Variants in NDE1 observed in about 807,000 individuals in gnomAD.
The protein encoded by NDE1 is nuclear distribution protein nudE homolog 1.
A neutral mutation model predicts 43.4 loss-of-function variants in NDE1; 28 were observed. The ratio of observed to expected loss-of-function variants is 0.65; its 90% CI spans 0.48 to 0.89. The LOEUF (loss-of-function observed/expected upper bound fraction) is 0.89, where lower values mean the gene tolerates loss of function less well. Ranked by LOEUF, NDE1 falls within the 40% of genes least tolerant of loss-of-function variation. NDE1 has a pLI of 0.00. For synonymous variants in NDE1, 184 were observed against 172.0 expected, an observed-to-expected ratio of 1.07 and a Z score of -0.55; for missense variants, 441 against 434.1, an observed-to-expected ratio of 1.02 and a Z score of -0.14.
Position 15,694,185 on chromosome 16 carries a change from G to C in NDE1, c.724G>C (p.Gly242Arg). 6.2e-7 allele frequency: 1 copy of C among 1,612,988 alleles called. No homozygotes were observed. The highest frequency in any genetic ancestry group is 8.5e-7 in the Non-Finnish European group (1 of 1,180,026). The change falls in exon 7 of 9, where the codon GGG becomes CGG. Residue 242 changes from glycine to arginine, a missense_variant. Physicochemically the swap from Gly to Arg is moderately radical, Grantham distance 125 (BLOSUM62 -2). Transcript: ENST00000396354. Reference protein sequence around the residue: ...FRRGLDDSTGGTPLTPAARIS... With the variant: ...FRRGLDDSTGRTPLTPAARIS... ...CCCAGGCCTGGACGACTCCACCGGG[G>C]GGACCCCCCTCACACCTGCGGCCCG...
At chr16:15,710,171 C>G (rs1280102377) in intron 8 of NDE1, among the ~76,000 whole-genome samples, 2 of 152,146 alleles carry the variant, frequency 1.3e-5, no homozygotes, top group African/African-American at 2.4e-5. Context: ...CTTGGCTGCC[C>G]AAGAAGGCTC....
intron 8 of NDE1, among the ~76,000 whole-genome samples, chr16:15,705,554 CCT>C (rs2039403602): frequency 6.6e-6 from 1 of 152,092 alleles, no homozygotes; most frequent in African/African-American, 2.4e-5. Context: ...GCCATCTGGC[CCT>C]GTTTGACCTG....
chr16:15,655,675 C>T (rs2036725825), intron 1 of NDE1, among the ~76,000 whole-genome samples: 1 of 152,066 alleles, frequency 6.6e-6, no homozygotes, highest in Admixed American at 6.6e-5. Flanking sequence ...AAGACACATG[C>T]ACACGTATGT....
chr16:15,721,546 G>A (rs1212314228), intron 8 of NDE1: 1 of 1,614,070 alleles, frequency 6.2e-7, no homozygotes, highest in African/African-American at 1.3e-5. Flanking sequence ...CAGGGACAGG[G>A]CCTTGGTTTC....
chr16:15,665,944 C>T (rs532501470), intron 2 of NDE1, among the ~76,000 whole-genome samples: 12 of 152,076 alleles, frequency 7.9e-5, no homozygotes, highest in Admixed American at 3.3e-4. Context: ...TTAGTAGAGA[C>T]GGGGTTTCTC....
Position 15,708,784 on chromosome 16 carries a change from G to A in NDE1, c.947+11924G>A, listed in dbSNP as rs373484327. Reference sequence around the variant, plus strand: ...GGATACTGAGACAACACACAGCTGCGAAGCTGAAGGCATGATACCTGGTGC... The same window carrying A: ...GGATACTGAGACAACACACAGCTGCAAAGCTGAAGGCATGATACCTGGTGC... On this transcript the variant is annotated intron_variant, in intron 8 of 8. Transcript: ENST00000396354. 253 of 1,602,784 alleles carry A rather than the reference G, an allele frequency of 1.6e-4. 1 individual carries two copies. The highest frequency in any genetic ancestry group is 2.0e-4 in the Non-Finnish European group (230 of 1,175,110).
rs527267541 is a variant in NDE1, at chr16:15,695,480, A to G, written c.795+1224A>G. 9 of 968,300 alleles carry G rather than the reference A, an allele frequency of 9.3e-6. No homozygotes were observed. In the Admixed American group the frequency reaches 5.0e-4, roughly 54 times the overall value. 60.0% of individuals were successfully genotyped at this position (968,300 alleles called of 1,614,324 possible). On this transcript the variant is annotated intron_variant, in intron 7 of 8. Transcript: ENST00000396354. ...CTGAGATCGCACCGCTGGGTGACAA[A>G]GTGAGACTTGGTCTCAAAAAAAAAA...
At chr16:15,699,642 G>GTTC (rs752944493) in intron 8 of NDE1, 2 of 1,281,702 alleles carry the variant, frequency 1.6e-6, no homozygotes, top group South Asian at 2.5e-5. Flanking sequence ...GACTCTTGAT[G>GTTC]TTCACCCTTA....
At chr16:15,665,299 A>G (rs753009831) in intron 2 of NDE1, among the ~76,000 whole-genome samples, 18 of 152,120 alleles carry the variant, frequency 1.2e-4, no homozygotes, top group Non-Finnish European at 2.6e-4. Flanking sequence ...ACCCCATTAT[A>G]TAGATGAAGA....
chr16:15,705,208 C>T (rs1398364378), intron 8 of NDE1, among the ~76,000 whole-genome samples: 1 of 152,200 alleles, frequency 6.6e-6, no homozygotes, highest in Non-Finnish European at 1.5e-5. Flanking sequence ...TCTTGAACTC[C>T]TGGCCTCAAA....
chr16:15,652,061 C>T (rs1596538590), intron 1 of NDE1: 1 of 151,940 alleles, frequency 6.6e-6, no homozygotes, highest in Non-Finnish European at 1.5e-5. Context: ...GTGCGTGCCA[C>T]CATGCCCGGC....
chr16:15,698,940 A>G (rs1466550312), intron 8 of NDE1, among the ~76,000 whole-genome samples: 1 of 151,372 alleles, frequency 6.6e-6, no homozygotes, highest in Non-Finnish European at 1.5e-5. Flanking sequence ...GCTGGAGTGC[A>G]GTGGTGCGAC....
chr16:15,717,145 C>T lies in NDE1; in HGVS notation c.948-7046C>T, dbSNP rs145252402. Reference sequence around the variant, plus strand: ...GGAACTCCACACCCGCATACCTGGCCTCCTGCTCGACCTGCTCCTCCAGCT... The same window carrying T: ...GGAACTCCACACCCGCATACCTGGCTTCCTGCTCGACCTGCTCCTCCAGCT... On this transcript the variant is annotated intron_variant, in intron 8 of 8. Transcript: ENST00000396354. The T allele has an allele frequency of 5.0e-6, 8 of 1,614,214 alleles. No homozygotes were observed. The East Asian group carries it at 1.1e-4, about 22-fold the overall frequency.
intron 4 of NDE1, 101 bp downstream of exon 4, chr16:15,678,050 CAGTG>C (rs2037978288): frequency 6.9e-7 from 1 of 1,443,746 alleles, no homozygotes; most frequent in Non-Finnish European, 9.7e-7. Context: ...GGGAACTAAG[CAGTG>C]AGCAGAACAA....
At chr16:15,669,471 C>T (rs1378539250) in intron 3 of NDE1, among the ~76,000 whole-genome samples, 2 of 151,508 alleles carry the variant, frequency 1.3e-5, no homozygotes, top group Non-Finnish European at 2.9e-5. Context: ...AAGTGATTCT[C>T]CTGCCTCAGC....
intron 8 of NDE1, among the ~76,000 whole-genome samples, chr16:15,710,581 TG>T (rs1199936100): frequency 6.6e-6 from 1 of 151,600 alleles, no homozygotes; most frequent in Non-Finnish European, 1.5e-5. Context: ...GAGACAGCAG[TG>T]GGGTAGGGAG....
At chr16:15,722,270 C>G (rs763712618) in intron 8 of NDE1, among the ~76,000 whole-genome samples, 9 of 152,134 alleles carry the variant, frequency 5.9e-5, no homozygotes, top group Non-Finnish European at 1.2e-4. Flanking sequence ...TTCATGGCCA[C>G]AAGTAGCTAT....
In NDE1 at chr16:15,718,910, C is replaced by T. The variant is rs1246420936; in HGVS notation, c.948-5281C>T. The T allele has an allele frequency of 3.3e-5, 14 of 428,242 alleles. No homozygotes were observed. In the East Asian group the frequency reaches 7.3e-4, roughly 22 times the overall value. 26.5% of individuals were successfully genotyped at this position (428,242 alleles called of 1,614,324 possible). On this transcript the variant is annotated intron_variant, in intron 8 of 8. Coordinates refer to ENST00000396354, the MANE Select transcript of NDE1 (RefSeq NM_017668.3). ...TGGGAGGCCAAGGTAGGAGGATCAC[C>T]TAAGGTCAGGAGTTCAAGACTAGCC... is the stretch of plus-strand genomic sequence containing the variant.
chr16:15,689,254 C>T (rs944791576), intron 5 of NDE1, among the ~76,000 whole-genome samples: 3 of 152,104 alleles, frequency 2.0e-5, no homozygotes, highest in Non-Finnish European at 4.4e-5. Flanking sequence ...CTTTGAGAGA[C>T]GGACGCAAGA....
Sources: allele counts gnomAD v4.1 joint callset (sites outside exome capture counted in the v4.1 genomes callset), GRCh38; gene constraint gnomAD v4.1.1; transcripts MANE v1.5; gene names NCBI Gene and HGNC (gene_info 2026-07-23, HGNC 2026-07-21).